APCS: variants seen among roughly 807,000 people sequenced by gnomAD.
APCS encodes the protein amyloid P component, serum, also known as serum amyloid P-component.
Under a neutral mutation model 2.5 loss-of-function variants are expected in APCS, and 2 were observed. The observed-to-expected ratio is 0.80, with a 90% confidence interval of 0.33 to 2.53. The LOEUF (loss-of-function observed/expected upper bound fraction) is 2.53. Among genes scored for constraint, APCS ranks in the 30% most tolerant of loss-of-function variants. The pLI is 0.11. For missense variants in APCS, 302 were observed against 258.9 expected (o/e 1.17, Z -1.14); for synonymous variants, 109 against 102.5 (o/e 1.06, Z -0.39).
At position 159,588,826 on chromosome 1, in the gene APCS, A is replaced by G; in HGVS notation, c.*118A>G. The G allele has an allele frequency of 8.5e-7, 1 of 1,170,576 alleles. No homozygotes were observed. The allele number at this position is 1,170,576 out of a possible 1,614,324, so 72.5% of individuals were successfully genotyped here. A position where few individuals can be genotyped will look rare whatever the true frequency, so the allele number is the denominator to read the frequency against. On this transcript the variant is annotated 3_prime_UTR_variant, in exon 2 of 2. Coordinates refer to ENST00000255040, the MANE Select transcript of APCS (RefSeq NM_001639.4). ...TTTCTTCTTTGAATTTCCTATCTGT[A>G]TGTCTGCCTAATTAAAAAAATATAT... is the stretch of plus-strand genomic sequence containing the variant.
rs775779605 is a variant in APCS, at chr1:159,588,416, G to A, written c.380G>A (p.Trp127Ter). The change falls in exon 2 of 2, where the codon TGG becomes TAG. Residue 127 changes from tryptophan to a stop codon, truncating the protein, a stop_gained. Coordinates refer to ENST00000255040, the MANE Select transcript of APCS (RefSeq NM_001639.4). LOFTEE classifies it low-confidence loss of function (END_TRUNC). Reference sequence around the variant, plus strand: ...TCCTCATCAGGTATTGCTGAATTTTGGATCAATGGGACACCTTTGGTGAAA... The same window carrying A: ...TCCTCATCAGGTATTGCTGAATTTTAGATCAATGGGACACCTTTGGTGAAA... ...WESSSGIAEF[W>*]INGTPLVKKG... 6.2e-7 allele frequency: 1 copy of A among 1,614,044 alleles called. No homozygotes were observed.
At position 159,588,745 on chromosome 1, in the gene APCS, A is replaced by G; in HGVS notation, c.*37A>G. The G allele has an allele frequency of 6.4e-7, 1 of 1,573,028 alleles. No homozygotes were observed. Among genetic ancestry groups the G allele is most frequent in the African/African-American group, 1.4e-5 (1 of 73,682 alleles). On this transcript the variant is annotated 3_prime_UTR_variant, in exon 2 of 2. Transcript: ENST00000255040. ...AACGAGAGCACTTGAAAATGAAATG[A>G]CTGTCTAAGAGATCTGGTCAAAGCA... is the stretch of plus-strand genomic sequence containing the variant.
chr1:159,588,097 G>A lies in APCS; in HGVS notation c.65-4G>A, dbSNP rs777039478. The stretch of plus-strand genomic sequence containing the variant: ...GTCATTATCTTTCTTTCTTTATCCC[G>A]CAGACCTCAGTGGGAAGGTGTTTGT... On this transcript the variant is annotated splice_region_variant and splice_polypyrimidine_tract_variant and intron_variant, in intron 1 of 1. Coordinates refer to ENST00000255040, the MANE Select transcript of APCS (RefSeq NM_001639.4). 2.5e-5 allele frequency: 40 copies of A among 1,613,080 alleles called. No individual in the cohort carries two copies. Among genetic ancestry groups the A allele is most frequent in the African/African-American group, 9.3e-5 (7 of 74,938 alleles).
rs199581882 is a variant in APCS at position 159,588,292 on chromosome 1, A to G, written c.256A>G (p.Arg86Gly). 2.4e-5 allele frequency: 39 copies of G among 1,613,982 alleles called. No individual in the cohort carries two copies. Among genetic ancestry groups the G allele is most frequent in the Non-Finnish European group, 2.6e-5 (31 of 1,179,966 alleles). Residue 86 changes from arginine (R) to glycine (G), a missense_variant, in exon 2 of 2, where the codon AGA (arginine) becomes GGA (glycine). Transcript: ENST00000255040. ...TAATGAGCTACTAGTTTATAAAGAA[A>G]GAGTTGGAGAGTATAGTCTATACAT... ...RDNELLVYKERVGEYSLYIGR... is the reference protein window; with the variant it reads ...RDNELLVYKEGVGEYSLYIGR...
rs745529059 is a variant in APCS at position 159,588,177 on chromosome 1, G to A, written c.141G>A (p.Lys47=). The part of the protein sequence containing the change: ...DHVNLITPLE[K]PLQNFTLCFR... ...TAAACTTGATCACACCGCTGGAGAAGCCTCTACAGAACTTTACCTTGTGTT... is the reference window on the plus strand; with the variant it reads ...TAAACTTGATCACACCGCTGGAGAAACCTCTACAGAACTTTACCTTGTGTT... The change falls in exon 2 of 2, where the codon AAG becomes AAA. Residue 47 remains lysine (K), a synonymous_variant. Coordinates refer to ENST00000255040, the MANE Select transcript of APCS (RefSeq NM_001639.4). 6.2e-7 allele frequency: 1 copy of A among 1,614,054 alleles called. No homozygotes were observed. Among genetic ancestry groups the A allele is most frequent in the East Asian group, 2.2e-5 (1 of 44,886 alleles).
Position 159,588,574 on chromosome 1 carries a change from G to T in APCS, c.538G>T (p.Asp180Tyr), listed in dbSNP as rs773806334. 4 of 1,613,848 alleles carry T rather than the reference G, an allele frequency of 2.5e-6. No individual in the cohort carries two copies. The South Asian group carries it at 4.4e-5, about 18-fold the overall frequency. The change falls in exon 2 of 2, where the codon GAC becomes TAC. Residue 180 changes from aspartate (D) to tyrosine (Y), a missense_variant. Asp to Tyr is a radical substitution (Grantham distance 160). Transcript: ENST00000255040. ...AGAGATTGGGGATTTGTACATGTGG[G>T]ACTCTGTGCTGCCCCCAGAAAATAT... ...VGEIGDLYMW[D>Y]SVLPPENILS...
Position 159,588,308 on chromosome 1 carries a change from G to C in APCS, c.272G>C (p.Ser91Thr), listed in dbSNP as rs749791612. Reference sequence around the variant, plus strand: ...TATAAAGAAAGAGTTGGAGAGTATAGTCTATACATTGGAAGACACAAAGTT... The same window carrying C: ...TATAAAGAAAGAGTTGGAGAGTATACTCTATACATTGGAAGACACAAAGTT... ...LVYKERVGEY[S>T]LYIGRHKVTS... is the part of the protein sequence containing the mutation. The change falls in exon 2 of 2, where the codon AGT (serine) becomes ACT (threonine). Residue 91 changes from serine (S) to threonine (T), a missense_variant. Ser to Thr is a moderately conservative substitution (Grantham distance 58). Transcript: ENST00000255040. 6 of 1,613,994 alleles carry C rather than the reference G, an allele frequency of 3.7e-6. No individual in the cohort carries two copies. In the African/African-American group the frequency reaches 4.0e-5, roughly 11 times the overall value.
At position 159,587,949 on chromosome 1, in the gene APCS, G is replaced by A. The variant is rs1333693161; in HGVS notation, c.28G>A (p.Val10Ile). 1 of 1,613,988 alleles carries A rather than the reference G, an allele frequency of 6.2e-7. No homozygotes were observed. Among genetic ancestry groups the A allele is most frequent in the East Asian group, 2.2e-5 (1 of 44,886 alleles). The part of the protein sequence containing the change: MNKPLLWIS[V>I]LTSLLEAFAH... ...GAACAAGCCGCTGCTTTGGATCTCT[G>A]TCCTCACCAGCCTCCTGGAAGCCTT... The change falls in exon 1 of 2, where the codon GTC (valine) becomes ATC (isoleucine). Residue 10 changes from valine to isoleucine, a missense_variant. Physicochemically the swap from Val to Ile is conservative, Grantham distance 29. Coordinates refer to ENST00000255040, the MANE Select transcript of APCS (RefSeq NM_001639.4).
In APCS at chr1:159,588,598, AT is replaced by A; in HGVS notation, c.563del (p.Ile188ThrfsTer20). On this transcript the variant is annotated frameshift_variant, in exon 2 of 2. Coordinates refer to ENST00000255040, the MANE Select transcript of APCS (RefSeq NM_001639.4). LOFTEE classifies it low-confidence loss of function (END_TRUNC). The stretch of plus-strand genomic sequence containing the variant: ...GGACTCTGTGCTGCCCCCAGAAAAT[AT>A]CCTGTCTGCCTATCAGGGTACCCCT... ...MWDSVLPPEN[I>X]LSAYQGTPLP... The A allele has an allele frequency of 1.2e-6, 2 of 1,613,880 alleles. No individual in the cohort carries two copies. Among genetic ancestry groups the A allele is most frequent in the Non-Finnish European group, 1.7e-6 (2 of 1,179,970 alleles).
At position 159,588,401 on chromosome 1, in the gene APCS, G is replaced by A. The variant is rs1406816247; in HGVS notation, c.365G>A (p.Gly122Asp). 3 of 1,614,038 alleles carry A rather than the reference G, an allele frequency of 1.9e-6. No individual in the cohort carries two copies. The highest frequency in any genetic ancestry group is 1.3e-5 in the African/African-American group (1 of 74,908). The part of the protein sequence containing the change: ...HICVSWESSS[G>D]IAEFWINGTP... ...TGTGTGAGCTGGGAGTCCTCATCAG[G>A]TATTGCTGAATTTTGGATCAATGGG... is the stretch of plus-strand genomic sequence containing the variant. The change falls in exon 2 of 2, where the codon GGT (glycine) becomes GAT (aspartate). Residue 122 changes from glycine (G) to aspartate (D), a missense_variant. Gly to Asp is a moderately conservative substitution (Grantham distance 94). Coordinates refer to ENST00000255040, the MANE Select transcript of APCS (RefSeq NM_001639.4).
Position 159,587,961 on chromosome 1 carries a change from CT to C in APCS, c.41del (p.Leu14ProfsTer26). 6.2e-7 allele frequency: 1 copy of C among 1,614,154 alleles called. No individual in the cohort carries two copies. Among genetic ancestry groups the C allele is most frequent in the African/African-American group, 1.3e-5 (1 of 75,042 alleles). ...PLLWISVLTS[L>X]LEAFAHTDLS... ...GCTTTGGATCTCTGTCCTCACCAGC[CT>C]CCTGGAAGCCTTTGCTCACACAGGT... On this transcript the variant is annotated frameshift_variant, in exon 1 of 2. Transcript: ENST00000255040. LOFTEE classifies it low-confidence loss of function (END_TRUNC).
chr1:159,588,603 G>A lies in APCS; in HGVS notation c.567G>A (p.Leu189=), dbSNP rs145831547. Residue 189 remains leucine (L), a synonymous_variant, in exon 2 of 2, where the codon CTG becomes CTA. Coordinates refer to ENST00000255040, the MANE Select transcript of APCS (RefSeq NM_001639.4). ...CTGTGCTGCCCCCAGAAAATATCCT[G>A]TCTGCCTATCAGGGTACCCCTCTCC... The part of the protein sequence containing the change: ...WDSVLPPENI[L]SAYQGTPLPA... 1.2e-6 allele frequency: 2 copies of A among 1,613,826 alleles called. No homozygotes were observed. Among genetic ancestry groups the A allele is most frequent in the Admixed American group, 1.7e-5 (1 of 59,946 alleles).
At position 159,588,299 on chromosome 1, in the gene APCS, G is replaced by C. The variant is rs1412350577; in HGVS notation, c.263G>C (p.Gly88Ala). 3 of 1,613,976 alleles carry C rather than the reference G, an allele frequency of 1.9e-6. No individual in the cohort carries two copies. The highest frequency in any genetic ancestry group is 2.5e-6 in the Non-Finnish European group (3 of 1,179,994). Residue 88 changes from glycine to alanine, a missense_variant, in exon 2 of 2, where the codon GGA becomes GCA. Gly to Ala is a moderately conservative substitution (Grantham distance 60). Transcript: ENST00000255040. ...NELLVYKERV[G>A]EYSLYIGRHK... ...CTACTAGTTTATAAAGAAAGAGTTGGAGAGTATAGTCTATACATTGGAAGA... is the reference window on the plus strand; with the variant it reads ...CTACTAGTTTATAAAGAAAGAGTTGCAGAGTATAGTCTATACATTGGAAGA...
At position 159,588,627 on chromosome 1, in the gene APCS, C is replaced by A; in HGVS notation, c.591C>A (p.Leu197=). The A allele has an allele frequency of 6.2e-7, 1 of 1,613,830 alleles. No homozygotes were observed. The highest frequency in any genetic ancestry group is 1.7e-4 in the Middle Eastern group (1 of 6,060). The change falls in exon 2 of 2, where the codon CTC becomes CTA. Residue 197 remains leucine (L), a synonymous_variant. Transcript: ENST00000255040. The stretch of plus-strand genomic sequence containing the variant: ...TGTCTGCCTATCAGGGTACCCCTCT[C>A]CCTGCCAATATCCTGGACTGGCAGG... ...NILSAYQGTP[L]PANILDWQAL...
Position 159,588,415 on chromosome 1 carries a change from T to C in APCS, c.379T>C (p.Trp127Arg). 6.2e-7 allele frequency: 1 copy of C among 1,614,140 alleles called. No homozygotes were observed. Among genetic ancestry groups the C allele is most frequent in the Non-Finnish European group, 8.5e-7 (1 of 1,180,018 alleles). The change falls in exon 2 of 2, where the codon TGG becomes CGG. Residue 127 changes from tryptophan (W) to arginine (R), a missense_variant. Transcript: ENST00000255040. ...WESSSGIAEF[W>R]INGTPLVKKG... ...GTCCTCATCAGGTATTGCTGAATTT[T>C]GGATCAATGGGACACCTTTGGTGAA...
In APCS at chr1:159,588,429, A is replaced by G; in HGVS notation, c.393A>G (p.Thr131=). 1 of 1,614,068 alleles carries G rather than the reference A, an allele frequency of 6.2e-7. No individual in the cohort carries two copies. The highest frequency in any genetic ancestry group is 8.5e-7 in the Non-Finnish European group (1 of 1,180,004). ...SGIAEFWING[T]PLVKKGLRQG... is the part of the protein sequence containing the mutation. Reference sequence around the variant, plus strand: ...TTGCTGAATTTTGGATCAATGGGACACCTTTGGTGAAAAAGGGTCTGCGAC... The same window carrying G: ...TTGCTGAATTTTGGATCAATGGGACGCCTTTGGTGAAAAAGGGTCTGCGAC... Residue 131 remains threonine (T), a synonymous_variant, in exon 2 of 2, where the codon ACA becomes ACG. Coordinates refer to ENST00000255040, the MANE Select transcript of APCS (RefSeq NM_001639.4).
In APCS at chr1:159,588,757, A is replaced by T. The variant is rs199954466; in HGVS notation, c.*49A>T. 9.1e-5 allele frequency: 141 copies of T among 1,546,388 alleles called. 2 individuals are homozygous for T. In the African/African-American group the frequency reaches 1.8e-3, roughly 20 times the overall value. ...TGAAAATGAAATGACTGTCTAAGAG[A>T]TCTGGTCAAAGCAACTGGATACTAG... On this transcript the variant is annotated 3_prime_UTR_variant, in exon 2 of 2. Transcript: ENST00000255040.
rs899066950 is a variant in APCS, at chr1:159,587,965, T to C, written c.44T>C (p.Leu15Pro). 1 of 1,614,042 alleles carries C rather than the reference T, an allele frequency of 6.2e-7. No homozygotes were observed. Among genetic ancestry groups the C allele is most frequent in the African/African-American group, 1.3e-5 (1 of 74,920 alleles). Residue 15 changes from leucine (L) to proline (P), a missense_variant, in exon 1 of 2, where the codon CTG becomes CCG. Leu to Pro is a moderately conservative substitution (Grantham distance 98). Transcript: ENST00000255040. ...TGGATCTCTGTCCTCACCAGCCTCC[T>C]GGAAGCCTTTGCTCACACAGGTAAG... is the stretch of plus-strand genomic sequence containing the variant. Reference protein sequence around the residue: ...LLWISVLTSLLEAFAHTDLSG... With the variant: ...LLWISVLTSLPEAFAHTDLSG...
Position 159,588,608 on chromosome 1 carries a change from C to T in APCS, c.572C>T (p.Ala191Val). The T allele has an allele frequency of 1.2e-6, 2 of 1,613,814 alleles. No homozygotes were observed. Among genetic ancestry groups the T allele is most frequent in the Non-Finnish European group, 8.5e-7 (1 of 1,179,972 alleles). Residue 191 changes from alanine to valine, a missense_variant, in exon 2 of 2, where the codon GCC becomes GTC. By Grantham distance (64) the Ala-to-Val change is moderately conservative. Coordinates refer to ENST00000255040, the MANE Select transcript of APCS (RefSeq NM_001639.4). ...SVLPPENILSAYQGTPLPANI... is the reference protein window; with the variant it reads ...SVLPPENILSVYQGTPLPANI... ...CTGCCCCCAGAAAATATCCTGTCTGCCTATCAGGGTACCCCTCTCCCTGCC... is the reference window on the plus strand; with the variant it reads ...CTGCCCCCAGAAAATATCCTGTCTGTCTATCAGGGTACCCCTCTCCCTGCC...
Sources: gnomAD v4.1 joint callset for allele counts on GRCh38, gnomAD v4.1.1 for gene constraint, MANE v1.5 for transcripts, NCBI Gene and HGNC (gene_info 2026-07-23, HGNC 2026-07-21) for gene names.